SHTN1: variants seen among roughly 807,000 people sequenced by gnomAD.
SHTN1 encodes shootin-1.
A neutral mutation model predicts 83.1 loss-of-function variants in SHTN1; 42 were observed. The ratio of observed to expected loss-of-function variants is 0.51; its 90% CI spans 0.39 to 0.65. The LOEUF (loss-of-function observed/expected upper bound fraction) is 0.65. Among genes scored for constraint, SHTN1 ranks in the 30% least tolerant of loss-of-function variants. The pLI is 0.00. For missense variants in SHTN1, 622 were observed against 737.8 expected, an observed-to-expected ratio of 0.84 and a Z score of 1.82; for synonymous variants, 224 against 247.7, an observed-to-expected ratio of 0.90 and a Z score of 0.90.
At position 116,881,771 on chromosome 10, in the gene SHTN1, C is replaced by A; in HGVS notation, c.*4573G>T. 1.2e-6 allele frequency: 1 copy of A among 859,910 alleles called. No individual in the cohort carries two copies. The highest frequency in any genetic ancestry group is 1.6e-6 in the Non-Finnish European group (1 of 620,154). The allele number at this position is 859,910 out of a possible 1,614,324, so 53.3% of individuals were successfully genotyped here. On this transcript the variant is annotated 3_prime_UTR_variant, in exon 17 of 17. Coordinates refer to ENST00000355371, the MANE Select transcript of SHTN1 (RefSeq NM_001127211.3). The stretch of plus-strand genomic sequence containing the variant: ...CCACATGGAGTTTCCTCTTCAACTT[C>A]ACCAACTCTTGTGGTTTTTATTCTT...
chr10:117,058,621 G>A (rs907571675), intron 1 of SHTN1, among the ~76,000 whole-genome samples: 6 of 152,132 alleles, frequency 3.9e-5, no homozygotes, highest in Non-Finnish European at 8.8e-5. Flanking sequence ...CGATATGGCA[G>A]AATTACCATA....
chr10:116,946,729 T>C (rs890007712), intron 7 of SHTN1, among the ~76,000 whole-genome samples: 1 of 149,684 alleles, frequency 6.7e-6, no homozygotes, highest in African/African-American at 2.5e-5. Context: ...ATTTATTTTT[T>C]GAGAGATGGA....
chr10:116,936,767 A>G (rs984859272), intron 9 of SHTN1, among the ~76,000 whole-genome samples: 3 of 152,042 alleles, frequency 2.0e-5, no homozygotes, highest in Non-Finnish European at 4.4e-5. Flanking sequence ...TGGGGTGTTA[A>G]AGTCTCCCAC....
At chr10:117,097,028 TAGAC>T (rs1355885210) in intron 1 of SHTN1, among the ~76,000 whole-genome samples, 5 of 98,466 alleles carry the variant, frequency 5.1e-5, no homozygotes, top group South Asian at 3.8e-4. Flanking sequence ...CACACACACA[TAGAC>T]ACACACACAC....
At chr10:116,968,435 G>C (rs1472098491) in intron 3 of SHTN1, among the ~76,000 whole-genome samples, 1 of 152,180 alleles carries the variant, frequency 6.6e-6, no homozygotes, top group African/African-American at 2.4e-5. Flanking sequence ...TTTATAACAA[G>C]TATAGGTTTT....
chr10:117,059,476 T>A (rs1852870135), intron 1 of SHTN1, among the ~76,000 whole-genome samples: 1 of 152,196 alleles, frequency 6.6e-6, no homozygotes, highest in African/African-American at 2.4e-5. Flanking sequence ...AACATAGATG[T>A]CCTTCAACAA....
chr10:116,942,459 C>T (rs1406476231), intron 8 of SHTN1, among the ~76,000 whole-genome samples: 2 of 151,944 alleles, frequency 1.3e-5, no homozygotes, highest in Non-Finnish European at 2.9e-5. Flanking sequence ...TTGATCCCCC[C>T]GCCTCGGCCT....
chr10:116,915,503 C>T lies in SHTN1; in HGVS notation c.1196-19G>A, dbSNP rs768722931. On this transcript the variant is annotated intron_variant, in intron 12 of 16. Coordinates refer to ENST00000355371, the MANE Select transcript of SHTN1 (RefSeq NM_001127211.3). ...TCTTCAGCTGTTCAAAGAACACAGA[C>T]ATAAATCCTCTTATGTTACAAGAAA... 2.2e-6 allele frequency: 3 copies of T among 1,371,816 alleles called. No homozygotes were observed. The highest frequency in any genetic ancestry group is 2.9e-5 in the African/African-American group (2 of 69,942). 85.0% of individuals were successfully genotyped at this position (1,371,816 alleles called of 1,614,324 possible). A position where few individuals can be genotyped will look rare whatever the true frequency, so the allele number is the denominator to read the frequency against.
intron 1 of SHTN1, among the ~76,000 whole-genome samples, chr10:117,056,769 C>T (rs1487262455): frequency 6.6e-6 from 1 of 152,164 alleles, no homozygotes; most frequent in African/African-American, 2.4e-5. Flanking sequence ...CGAGATGGTG[C>T]CACTGCACTC....
At chr10:116,931,789 GA>G (rs1305443304) in intron 9 of SHTN1, among the ~76,000 whole-genome samples, 1 of 152,188 alleles carries the variant, frequency 6.6e-6, no homozygotes. Context: ...TATATTTACA[GA>G]AAGTTCAGCT....
chr10:116,904,005 GA>G (rs964100665), intron 15 of SHTN1, among the ~76,000 whole-genome samples: 1 of 152,176 alleles, frequency 6.6e-6, no homozygotes, highest in African/African-American at 2.4e-5. Context: ...AAATGCCTAA[GA>G]AAAATCCTAA....
chr10:116,937,300 C>A (rs1849208700), intron 9 of SHTN1, among the ~76,000 whole-genome samples: 1 of 152,218 alleles, frequency 6.6e-6, no homozygotes, highest in African/African-American at 2.4e-5. Flanking sequence ...TAGCTGGTAC[C>A]AGTCTTTCCT....
At chr10:117,116,180 GA>G (rs376221187) in intron 1 of SHTN1, among the ~76,000 whole-genome samples, 6 of 143,216 alleles carry the variant, frequency 4.2e-5, no homozygotes, top group African/African-American at 1.3e-4. Flanking sequence ...GGTAGATTGA[GA>G]AAAAAAAAAG....
chr10:117,104,123 T>A (rs916711738), intron 1 of SHTN1, among the ~76,000 whole-genome samples: 1 of 152,156 alleles, frequency 6.6e-6, no homozygotes, highest in Non-Finnish European at 1.5e-5. Context: ...AAATCCACCA[T>A]TTTTAGCATG....
rs967266418 is a variant in SHTN1, at chr10:116,885,483, G to C, written c.*861C>G. 6.6e-6 allele frequency: 1 copy of C among 152,110 alleles called. No individual in the cohort carries two copies. The highest frequency in any genetic ancestry group is 1.5e-5 in the Non-Finnish European group (1 of 67,934). 9.4% of individuals were successfully genotyped at this position (152,110 alleles called of 1,614,324 possible). A position where few individuals can be genotyped will look rare whatever the true frequency, so the allele number is the denominator to read the frequency against. On this transcript the variant is annotated 3_prime_UTR_variant, in exon 17 of 17. Coordinates refer to ENST00000355371, the MANE Select transcript of SHTN1 (RefSeq NM_001127211.3). ...AACAACAACAAACCTGTGTAATATAGAACAGCAGTGAAGCAAGAAAAATGT... is the reference window on the plus strand; with the variant it reads ...AACAACAACAAACCTGTGTAATATACAACAGCAGTGAAGCAAGAAAAATGT...
At chr10:117,120,404 C>T (rs566078147) in intron 1 of SHTN1, among the ~76,000 whole-genome samples, 46 of 151,926 alleles carry the variant, frequency 3.0e-4, no homozygotes, top group African/African-American at 8.9e-4. Context: ...CCCGCCACCA[C>T]GCCCAGCTAA....
upstream of SHTN1, among the ~76,000 whole-genome samples, chr10:117,006,086 C>T (rs1165528003): frequency 1.3e-5 from 2 of 152,132 alleles, no homozygotes; most frequent in Non-Finnish European, 1.5e-5. Context: ...CCCCTAGTTG[C>T]GAGCTAACCT....
chr10:117,007,900 C>A (rs1003092685), upstream of SHTN1, among the ~76,000 whole-genome samples: 1 of 151,446 alleles, frequency 6.6e-6, no homozygotes, highest in African/African-American at 2.4e-5. Flanking sequence ...CCCAGCTACT[C>A]GGGAGGCTGA....
At chr10:116,994,441 T>C (rs1851556060) in intron 1 of SHTN1, among the ~76,000 whole-genome samples, 1 of 152,106 alleles carries the variant, frequency 6.6e-6, no homozygotes, top group African/African-American at 2.4e-5. Context: ...TTTTAAAAGA[T>C]TTTCCTATAG....
Sources: gnomAD v4.1 joint callset for allele counts (sites outside exome capture counted in the v4.1 genomes callset) on GRCh38, gnomAD v4.1.1 for gene constraint, MANE v1.5 for transcripts, NCBI Gene and HGNC (gene_info 2026-07-23, HGNC 2026-07-21) for gene names.